Variants in CHODL observed in about 807,000 individuals in gnomAD.
The protein encoded by CHODL is chondrolectin, also known as transmembrane protein MT75.
Under a neutral mutation model 34.5 loss-of-function variants are expected in CHODL, and 29 were observed. The observed-to-expected ratio is 0.84, with a 90% CI of 0.63 to 1.15. The LOEUF (loss-of-function observed/expected upper bound fraction) is 1.15, where lower values mean the gene tolerates loss of function less well. Among genes scored for constraint, CHODL ranks in the 50% most tolerant of loss-of-function variants. CHODL has a pLI of 0.00. For missense variants in CHODL, 332 were observed against 332.5 expected (o/e 1.00, Z 0.01); for synonymous variants, 125 against 116.1 (o/e 1.08, Z -0.49).
intron 2 of CHODL, among the ~76,000 whole-genome samples, chr21:18,102,162 T>G (rs2065223258): frequency 6.6e-6 from 1 of 152,182 alleles, no homozygotes; most frequent in Non-Finnish European, 1.5e-5. Flanking sequence ...AGGCTAGAAC[T>G]TCAGTCAAAC....
At chr21:18,085,498 A>G (rs1478017918) in intron 2 of CHODL, among the ~76,000 whole-genome samples, 2 of 152,262 alleles carry the variant, frequency 1.3e-5, no homozygotes, top group South Asian at 2.1e-4. Flanking sequence ...GTGAATAGCA[A>G]CCTTTCATTT....
intron 2 of CHODL, among the ~76,000 whole-genome samples, chr21:18,038,157 A>G (rs2064332878): frequency 6.6e-6 from 1 of 151,700 alleles, no homozygotes; most frequent in Admixed American, 6.6e-5. Context: ...TCTCTTTAGT[A>G]CTAAATGTCA....
intron 2 of CHODL, among the ~76,000 whole-genome samples, chr21:18,079,874 T>G (rs1465960066): frequency 1.1e-5 from 1 of 93,416 alleles, no homozygotes; most frequent in Non-Finnish European, 3.2e-5. Flanking sequence ...CTAGATTGAA[T>G]GGCAGTCCTA....
intron 2 of CHODL, among the ~76,000 whole-genome samples, chr21:18,032,754 G>T (rs908947983): frequency 6.6e-6 from 1 of 151,850 alleles, no homozygotes; most frequent in Non-Finnish European, 1.5e-5. Flanking sequence ...AGCTAGCACT[G>T]TCTCTCCAAA....
At chr21:18,246,107 C>T in intron 1 of CHODL, 2 of 674,304 alleles carry the variant, frequency 3.0e-6, no homozygotes, top group East Asian at 2.7e-5. Context: ...CAATTACTCT[C>T]CCTTACTTTT....
At chr21:18,065,391 T>C (rs1445058972) in intron 2 of CHODL, among the ~76,000 whole-genome samples, 1 of 152,160 alleles carries the variant, frequency 6.6e-6, no homozygotes, top group Non-Finnish European at 1.5e-5. Context: ...AATGCATAAA[T>C]GAGTGCATAA....
intron 2 of CHODL, among the ~76,000 whole-genome samples, chr21:18,067,938 C>G (rs1350742244): frequency 1.3e-5 from 2 of 152,132 alleles, no homozygotes; most frequent in Non-Finnish European, 2.9e-5. Context: ...TATATGTGCT[C>G]ATTTCAGCAT....
intron 2 of CHODL, among the ~76,000 whole-genome samples, chr21:18,190,833 G>T (rs1449981233): frequency 6.6e-6 from 1 of 152,182 alleles, no homozygotes; most frequent in Non-Finnish European, 1.5e-5. Context: ...GTATTTGTAA[G>T]ATTTGTAATA....
intron 2 of CHODL, among the ~76,000 whole-genome samples, chr21:18,168,252 G>A (rs1237408254): frequency 1.3e-5 from 2 of 152,180 alleles, no homozygotes; most frequent in Non-Finnish European, 1.5e-5. Context: ...GTGATCGTGT[G>A]AGTCAATATG....
chr21:18,171,813 A>ACCC (rs368700857), intron 2 of CHODL, among the ~76,000 whole-genome samples: 12,792 of 151,008 alleles, frequency 0.085, 767 homozygotes, highest in East Asian at 0.3. Context: ...ATATGTGTCC[A>ACCC]CTAGGTCTCT....
chr21:18,260,881 T>C (rs73318262), intron 4 of CHODL, among the ~76,000 whole-genome samples: 2,568 of 152,162 alleles, frequency 0.017, 72 homozygotes, highest in African/African-American at 0.058. Flanking sequence ...AAAAGAACTT[T>C]GGATCTACAA....
At chr21:18,152,623 A>C (rs2072984354) in intron 2 of CHODL, among the ~76,000 whole-genome samples, 1 of 152,242 alleles carries the variant, frequency 6.6e-6, no homozygotes, top group Non-Finnish European at 1.5e-5. Context: ...TGGCTCTCTC[A>C]AAACATGGCA....
chr21:18,061,571 A>G (rs568430736), intron 2 of CHODL, among the ~76,000 whole-genome samples: 14 of 152,198 alleles, frequency 9.2e-5, no homozygotes, highest in Non-Finnish European at 1.9e-4. Context: ...AACTCAAAAT[A>G]GCAAAATTAT....
At chr21:17,923,697 G>C (rs770013132) in intron 1 of CHODL, among the ~76,000 whole-genome samples, 1 of 151,994 alleles carries the variant, frequency 6.6e-6, no homozygotes, top group African/African-American at 2.4e-5. Context: ...TCCTGACCTC[G>C]TGATTCGCCC....
At chr21:18,096,550 G>C (rs2065142233) in intron 2 of CHODL, among the ~76,000 whole-genome samples, 1 of 152,142 alleles carries the variant, frequency 6.6e-6, no homozygotes, top group Non-Finnish European at 1.5e-5. Context: ...TTGAAGATAA[G>C]GGATGAAATA....
rs151186439 is a variant in CHODL, at chr21:18,033,078, G to T, written c.-45+5107G>T. 1.4e-3 allele frequency among the ~76,000 whole-genome samples: 212 copies of T among 152,134 alleles called. 1 individual carries two copies. Among genetic ancestry groups the T allele is most frequent in the African/African-American group, 5.0e-3 (207 of 41,548 alleles). On this transcript the variant is annotated intron_variant, in intron 2 of 6. Transcript: ENST00000400127. ...TGCTATGCAAAGAACAAAAACGGGA[G>T]TAAACGAGGTCAGAGGATGATACTT... is the stretch of plus-strand genomic sequence containing the variant.
intron 2 of CHODL, among the ~76,000 whole-genome samples, chr21:18,099,326 A>G (rs2065181994): frequency 6.6e-6 from 1 of 152,054 alleles, no homozygotes; most frequent in Admixed American, 6.6e-5. Context: ...GCATGCCTTT[A>G]CCAAAACACC....
intron 2 of CHODL, among the ~76,000 whole-genome samples, chr21:18,084,652 A>T (rs157055): frequency 0.37 from 55,560 of 151,602 alleles, 10,876 homozygotes; most frequent in Non-Finnish European, 0.44. Context: ...TTTTGATTTT[A>T]AAAAAAAACT....
At chr21:18,082,367 A>G (rs1328775992) in intron 2 of CHODL, among the ~76,000 whole-genome samples, 1 of 152,222 alleles carries the variant, frequency 6.6e-6, no homozygotes, top group African/African-American at 2.4e-5. Flanking sequence ...AGTCTCAGGT[A>G]GTTCTTTATA....
Sources: allele counts gnomAD v4.1 joint callset (sites outside exome capture counted in the v4.1 genomes callset), GRCh38; gene constraint gnomAD v4.1.1; transcripts MANE v1.5; gene names NCBI Gene and HGNC (gene_info 2026-07-23, HGNC 2026-07-21).